Variants in NF1 observed in about 807,000 individuals in gnomAD.
NF1 encodes the protein neurofibromin.
NF1 carries 122 observed loss-of-function variants against 325.7 expected under a neutral mutation model. That is an observed-to-expected ratio of 0.37 (90% CI 0.32 to 0.44). NF1 has a LOEUF of 0.44. Among genes scored for constraint, NF1 ranks in the 20% least tolerant of loss-of-function variants. The pLI, the probability that NF1 is intolerant of heterozygous loss-of-function variation, is 1.00. For synonymous variants in NF1, 1,091 were observed against 1,186.0 expected, an observed-to-expected ratio of 0.92 and a Z score of 1.65; for missense variants, 2,140 against 3,415.4, an observed-to-expected ratio of 0.63 and a Z score of 9.31.
rs76296281 is a variant in NF1 at position 31,339,096 on chromosome 17, A to G, written c.6921+291A>G. On this transcript the variant is annotated intron_variant, in intron 46 of 57. Coordinates refer to ENST00000358273, the MANE Select transcript of NF1 (RefSeq NM_001042492.3). ...ATCTTATAACTATTAATTATCTGCT[A>G]TTGCCAAGTACTGTTTTAGGCGCTA... Among the ~76,000 whole-genome samples the G allele has an allele frequency of 3.9e-5, 6 of 152,318 alleles. No homozygotes were observed. The East Asian group carries it at 1.2e-3, about 29-fold the overall frequency.
chr17:31,357,792 A>C (rs1409438487), intron 54 of NF1: 1 of 201,868 alleles, frequency 5.0e-6, no homozygotes, highest in Non-Finnish European at 1.0e-5. Flanking sequence ...AAAAAATATT[A>C]ACCTCAAAGT....
rs2066927450 is a variant in NF1, at chr17:31,221,850, G to T, written c.1642G>T (p.Ala548Ser). The change falls in exon 15 of 58, where the codon GCT becomes TCT. Residue 548 changes from alanine (A) to serine (S), a missense_variant and splice_region_variant. Physicochemically the swap from Ala to Ser is moderately conservative, Grantham distance 99. Around this residue, in one of 10 missense-constraint regions of NF1, gnomAD observed 179 missense variants for 381.0 expected, o/e 0.47. Transcript: ENST00000358273. ...MPEIAQEAMEALLVLHQLDSI... is the reference protein window; with the variant it reads ...MPEIAQEAMESLLVLHQLDSI... Reference sequence around the variant, plus strand: ...TCTTTCTCTTTTTTAAAAAATTCAGGCTCTGCTGGTTCTTCATCAGTTAGA... The same window carrying T: ...TCTTTCTCTTTTTTAAAAAATTCAGTCTCTGCTGGTTCTTCATCAGTTAGA... 6.2e-7 allele frequency: 1 copy of T among 1,602,546 alleles called. No homozygotes were observed. The highest frequency in any genetic ancestry group is 8.5e-7 in the Non-Finnish European group (1 of 1,176,794).
intron 1 of NF1, among the ~76,000 whole-genome samples, chr17:31,135,473 T>C (rs1203793951): frequency 6.6e-6 from 1 of 152,158 alleles, no homozygotes; most frequent in East Asian, 1.9e-4. Flanking sequence ...GGTTTTTTTT[T>C]CTTCTGCCTG....
intron 8 of NF1, among the ~76,000 whole-genome samples, chr17:31,192,615 C>T (rs996215022): frequency 2.0e-5 from 3 of 151,900 alleles, no homozygotes; most frequent in East Asian, 1.9e-4. Flanking sequence ...GGCTCTTAGT[C>T]GATTAATCTC....
chr17:31,134,655 G>T (rs866708552), intron 1 of NF1, among the ~76,000 whole-genome samples: 1 of 152,190 alleles, frequency 6.6e-6, no homozygotes, highest in African/African-American at 2.4e-5. Context: ...AGGCTTGACT[G>T]GGGGTAGAGC....
chr17:31,172,331 G>GTCTGTCTC (rs71142029), intron 5 of NF1, among the ~76,000 whole-genome samples: 1 of 145,548 alleles, frequency 6.9e-6, no homozygotes, highest in East Asian at 2.0e-4. Context: ...TCCTGTCTCT[G>GTCTGTCTC]TCTGTCTCTC....
At chr17:31,288,534 T>G (rs1252274571) in intron 36 of NF1, among the ~76,000 whole-genome samples, 2 of 51,168 alleles carry the variant, frequency 3.9e-5, no homozygotes, top group South Asian at 1.2e-3. Flanking sequence ...TTTTTTTTTT[T>G]TTTTTTTTTT....
At chr17:31,280,482 A>G (rs1362832792) in intron 36 of NF1, among the ~76,000 whole-genome samples, 1 of 144,404 alleles carries the variant, frequency 6.9e-6, no homozygotes, top group Non-Finnish European at 1.5e-5. Context: ...GCGCCACTGC[A>G]CTCCAGCCTG....
At chr17:31,318,352 C>A (rs1316101259) in intron 36 of NF1, 2 of 1,611,684 alleles carry the variant, frequency 1.2e-6, no homozygotes, top group Non-Finnish European at 8.5e-7. Flanking sequence ...TTCATCTTTT[C>A]TTTCCCTTGT....
chr17:31,218,168 T>C (rs2066856064), intron 13 of NF1, among the ~76,000 whole-genome samples: 1 of 152,190 alleles, frequency 6.6e-6, no homozygotes, highest in African/African-American at 2.4e-5. Context: ...ATGTATGTCC[T>C]TTACCTTTGA....
intron 1 of NF1, among the ~76,000 whole-genome samples, chr17:31,109,333 C>T (rs983578755): frequency 1.3e-5 from 2 of 152,034 alleles, no homozygotes; most frequent in African/African-American, 4.8e-5. Context: ...TATCTAAGTT[C>T]TGATGACTCT....
At chr17:31,110,448 G>C (rs1044974289) in intron 1 of NF1, among the ~76,000 whole-genome samples, 4 of 152,136 alleles carry the variant, frequency 2.6e-5, no homozygotes, top group Non-Finnish European at 4.4e-5. Context: ...TTCAATTCCT[G>C]ATTGGACTGA....
intron 1 of NF1, among the ~76,000 whole-genome samples, chr17:31,139,207 G>A (rs1250648950): frequency 6.6e-6 from 1 of 151,950 alleles, no homozygotes; most frequent in Non-Finnish European, 1.5e-5. Flanking sequence ...GCCACCATGC[G>A]TGGCTAAATT....
intron 1 of NF1, among the ~76,000 whole-genome samples, chr17:31,141,469 G>A (rs1916211330): frequency 6.6e-6 from 1 of 152,030 alleles, no homozygotes; most frequent in South Asian, 2.1e-4. Flanking sequence ...ATCATTGATG[G>A]CCTTTTAGTT....
Position 31,330,444 on chromosome 17 carries a change from C to A in NF1, c.5758C>A (p.Pro1920Thr), listed in dbSNP as rs2151544867. The A allele has an allele frequency of 6.2e-7, 1 of 1,613,796 alleles. No homozygotes were observed. The highest frequency in any genetic ancestry group is 2.2e-5 in the East Asian group (1 of 44,858). ...TAGTAAGACACTGGCAGCCAATGAG[C>A]CACACCTCACGTTAGAATTTTTGGA... ...SISKTLAANEPHLTLEFLEEC... is the reference protein window; with the variant it reads ...SISKTLAANETHLTLEFLEEC... Residue 1920 changes from proline to threonine, a missense_variant, in exon 39 of 58, where the codon CCA becomes ACA. Transcript: ENST00000358273.
intron 1 of NF1, among the ~76,000 whole-genome samples, chr17:31,097,045 T>G (rs146013066): frequency 3.9e-5 from 6 of 152,326 alleles, no homozygotes; most frequent in African/African-American, 1.4e-4. Context: ...CACGCCGCAA[T>G]TCTCCTTAAA....
At chr17:31,192,514 A>G (rs902620888) in intron 8 of NF1, among the ~76,000 whole-genome samples, 1 of 152,170 alleles carries the variant, frequency 6.6e-6, no homozygotes, top group African/African-American at 2.4e-5. Flanking sequence ...GATTGTGGAG[A>G]CCAGATTTTG....
chr17:31,365,661 C>T (rs1444836613), intron 57 of NF1, among the ~76,000 whole-genome samples: 2 of 152,152 alleles, frequency 1.3e-5, no homozygotes, highest in Admixed American at 1.3e-4. Flanking sequence ...GCAAGGGGCT[C>T]TTAGACCCCA....
chr17:31,128,763 A>G (rs1915094984), intron 1 of NF1, among the ~76,000 whole-genome samples: 1 of 152,048 alleles, frequency 6.6e-6, no homozygotes, highest in Non-Finnish European at 1.5e-5. Flanking sequence ...TCTACTAAAT[A>G]TACAAAAAAT....
Sources: allele counts gnomAD v4.1 joint callset (sites outside exome capture counted in the v4.1 genomes callset), GRCh38; gene constraint gnomAD v4.1.1; regional missense constraint gnomAD v4.1.1; transcripts MANE v1.5; gene names NCBI Gene and HGNC (gene_info 2026-07-23, HGNC 2026-07-21).